PPP3R1: variants seen among roughly 807,000 people sequenced by gnomAD.
PPP3R1 encodes calcineurin subunit B type 1.
A neutral mutation model predicts 22.6 loss-of-function variants in PPP3R1; 5 were observed. The ratio of observed to expected loss-of-function variants is 0.22; its 90% CI spans 0.12 to 0.46. The LOEUF (loss-of-function observed/expected upper bound fraction) is 0.46, where lower values mean the gene tolerates loss of function less well. Among genes scored for constraint, PPP3R1 ranks in the 20% least tolerant of loss-of-function variants. The pLI is 0.99. For synonymous variants in PPP3R1, 56 were observed against 65.2 expected (o/e 0.86, Z 0.68); for missense variants, 61 against 203.2 (o/e 0.30, Z 4.25).
At position 68,190,255 on chromosome 2, in the gene PPP3R1, T is replaced by TAAA. The variant is rs34117344; in HGVS notation, c.44-1568_44-1566dup. Among the ~76,000 whole-genome samples, 3 of 25,144 alleles carry TAAA rather than the reference T, an allele frequency of 1.2e-4. No individual in the cohort carries two copies. In the Admixed American group the frequency reaches 1.7e-3, roughly 14 times the overall value. 16.5% of individuals were successfully genotyped at this position (25,144 alleles called of 152,430 possible). On this transcript the variant is annotated intron_variant, in intron 2 of 5. Transcript: ENST00000234310. ...GTAAAGGATCAGGGCAAGTTTCTCT[T>TAAA]AAAAAAAAAAAAAAAAAAAAAAAAA...
intron 2 of PPP3R1, among the ~76,000 whole-genome samples, chr2:68,198,494 CAT>C (rs1674884546): frequency 1.3e-5 from 2 of 148,242 alleles, no homozygotes; most frequent in East Asian, 1.9e-4. Flanking sequence ...TATGTATATA[CAT>C]ATATATGTGT....
rs542993170 is a variant in PPP3R1 at position 68,197,163 on chromosome 2, T to C, written c.44-8473A>G. ...CACTACCATCAAGATAAAAGAACAT[T>C]CCATGACCCCTAAACACTCCCTTGA... On this transcript the variant is annotated intron_variant, in intron 2 of 5. Transcript: ENST00000234310. Among the ~76,000 whole-genome samples, 86 of 152,310 alleles carry C rather than the reference T, an allele frequency of 5.6e-4. No homozygotes were observed. The South Asian group carries it at 0.011, about 19-fold the overall frequency.
At chr2:68,247,505 A>ACACTGTTACAGAG (rs1228195890) in intron 1 of PPP3R1, among the ~76,000 whole-genome samples, 1 of 152,188 alleles carries the variant, frequency 6.6e-6, no homozygotes, top group Admixed American at 6.5e-5. Context: ...CACTGTTAAT[A>ACACTGTTACAGAG]TTTCACAGCA....
intron 2 of PPP3R1, among the ~76,000 whole-genome samples, chr2:68,200,902 T>C (rs1674962340): frequency 6.6e-6 from 1 of 152,222 alleles, no homozygotes; most frequent in Non-Finnish European, 1.5e-5. Flanking sequence ...TTTTGGTTTA[T>C]CCACATTATG....
intron 2 of PPP3R1, among the ~76,000 whole-genome samples, chr2:68,189,126 G>T (rs1674609231): frequency 6.6e-6 from 1 of 152,014 alleles, no homozygotes; most frequent in Non-Finnish European, 1.5e-5. Context: ...CATTTTTCTT[G>T]TTAAATTTTA....
At chr2:68,222,662 A>G (rs1669707656) in intron 1 of PPP3R1, among the ~76,000 whole-genome samples, 1 of 152,212 alleles carries the variant, frequency 6.6e-6, no homozygotes, top group Admixed American at 6.5e-5. Context: ...TTCAAGCTAC[A>G]GCACCAGCTT....
intron 1 of PPP3R1, among the ~76,000 whole-genome samples, chr2:68,235,303 C>T (rs1195294921): frequency 6.6e-6 from 1 of 152,086 alleles, no homozygotes; most frequent in Non-Finnish European, 1.5e-5. Context: ...GCAGCCATCA[C>T]CACAATCAAA....
chr2:68,202,263 C>G (rs1350076303), intron 2 of PPP3R1, among the ~76,000 whole-genome samples: 7 of 152,198 alleles, frequency 4.6e-5, no homozygotes, highest in African/African-American at 1.7e-4. Flanking sequence ...TCAAATTACT[C>G]AAATTTGTGC....
intron 1 of PPP3R1, among the ~76,000 whole-genome samples, chr2:68,229,618 T>C (rs1669848096): frequency 6.6e-6 from 1 of 152,194 alleles, no homozygotes; most frequent in Non-Finnish European, 1.5e-5. Context: ...GTGGATTGAT[T>C]AACCCTTTTA....
intron 1 of PPP3R1, among the ~76,000 whole-genome samples, chr2:68,218,728 G>GTTT (rs200366763): frequency 2.6e-5 from 1 of 38,174 alleles, no homozygotes; most frequent in Non-Finnish European, 4.2e-5. Context: ...GTCACTGTGA[G>GTTT]TTTTTTTTTT....
chr2:68,217,217 C>G, intron 1 of PPP3R1, 86 bp from the exon 2 acceptor site: 1 of 942,792 alleles, frequency 1.1e-6, no homozygotes. Context: ...AGTCAAAAAA[C>G]ATAGGGAAAT....
chr2:68,212,586 G>A (rs572951223), intron 2 of PPP3R1, among the ~76,000 whole-genome samples: 5 of 152,340 alleles, frequency 3.3e-5, no homozygotes, highest in African/African-American at 1.2e-4. Flanking sequence ...AACCTCTTGA[G>A]TGACTACCTG....
At chr2:68,233,465 G>A (rs964417037) in intron 1 of PPP3R1, among the ~76,000 whole-genome samples, 2 of 152,070 alleles carry the variant, frequency 1.3e-5, no homozygotes, top group African/African-American at 4.8e-5. Flanking sequence ...ATTTTTCTAG[G>A]AATGAGACTT....
chr2:68,186,725 A>C, intron 4 of PPP3R1, 73 bp from the exon 5 acceptor site: 1 of 1,291,100 alleles, frequency 7.7e-7, no homozygotes, highest in South Asian at 1.3e-5. Flanking sequence ...AAGAAAGAAA[A>C]TAGTAAACTG....
chr2:68,250,726 G>T (rs1670331204), intron 1 of PPP3R1, among the ~76,000 whole-genome samples: 1 of 152,128 alleles, frequency 6.6e-6, no homozygotes, highest in Admixed American at 6.5e-5. Context: ...CATCAAAATC[G>T]GCAATCATTT....
chr2:68,205,411 T>C (rs1675097791), intron 2 of PPP3R1, among the ~76,000 whole-genome samples: 1 of 151,956 alleles, frequency 6.6e-6, no homozygotes, highest in African/African-American at 2.4e-5. Context: ...CCCTGCTAAC[T>C]TTTTACATTT....
intron 5 of PPP3R1, among the ~76,000 whole-genome samples, chr2:68,183,769 T>C (rs758719661): frequency 3.9e-5 from 6 of 152,222 alleles, no homozygotes; most frequent in Non-Finnish European, 8.8e-5. Context: ...GTTTCATCTT[T>C]ATATTCCATA....
chr2:68,190,172 G>A (rs2103725072), intron 2 of PPP3R1, among the ~76,000 whole-genome samples: 1 of 147,512 alleles, frequency 6.8e-6, no homozygotes, highest in African/African-American at 2.5e-5. Context: ...TAAAGAGGAA[G>A]GAGAGTAGTA....
At chr2:68,237,942 A>T (rs937487094) in intron 1 of PPP3R1, among the ~76,000 whole-genome samples, 5 of 152,188 alleles carry the variant, frequency 3.3e-5, no homozygotes, top group African/African-American at 1.2e-4. Context: ...ATTTATGAAA[A>T]TGTTTACTTA....
Sources: gnomAD v4.1 joint callset for allele counts (sites outside exome capture counted in the v4.1 genomes callset) on GRCh38, gnomAD v4.1.1 for gene constraint, MANE v1.5 for transcripts, NCBI Gene and HGNC (gene_info 2026-07-23, HGNC 2026-07-21) for gene names.